Variants in AGT observed in about 807,000 individuals in gnomAD.
AGT encodes the protein angiotensinogen.
Under a neutral mutation model 28.1 loss-of-function variants are expected in AGT, and 26 were observed. That is an observed-to-expected ratio of 0.92 (90% CI 0.68 to 1.28). The LOEUF (loss-of-function observed/expected upper bound fraction) is 1.28. Among genes scored for constraint, AGT ranks in the 50% most tolerant of loss-of-function variants. The probability of loss-of-function intolerance (pLI) is 0.00; values close to 1 mark genes in which losing one functional copy is unlikely to be tolerated. For missense variants in AGT, 596 were observed against 592.3 expected (o/e 1.01, Z -0.06); for synonymous variants, 259 against 259.6 (o/e 1.00, Z 0.02).
intron 1 of AGT, among the ~76,000 whole-genome samples, chr1:230,722,311 T>C (rs1447008989): frequency 6.6e-6 from 1 of 152,198 alleles, no homozygotes; most frequent in Non-Finnish European, 1.5e-5. Flanking sequence ...CAGGCAGAAG[T>C]CTACTGCAGG....
Position 230,710,459 on chromosome 1 carries a change from G to T in AGT, c.365C>A (p.Ala122Asp), listed in dbSNP as rs1663547116. 12 of 1,614,126 alleles carry T rather than the reference G, an allele frequency of 7.4e-6. No individual in the cohort carries two copies. The highest frequency in any genetic ancestry group is 2.2e-5 in the South Asian group (2 of 91,092). The change falls in exon 2 of 5, where the codon GCC becomes GAC. Residue 122 changes from alanine (A) to aspartate (D), a missense_variant. Physicochemically the swap from Ala to Asp is moderately radical, Grantham distance 126. Transcript: ENST00000366667. The stretch of plus-strand genomic sequence containing the variant: ...GACAGCCGTTGGGGAGAGGACGGTG[G>T]CCCCATGGACCACGCCCCATAGCTC... ...HSELWGVVHG[A>D]TVLSPTAVFG...
intron 1 of AGT, among the ~76,000 whole-genome samples, chr1:230,712,668 G>C (rs1366372103): frequency 6.6e-6 from 1 of 152,228 alleles, no homozygotes; most frequent in African/African-American, 2.4e-5. Flanking sequence ...CCCGCTCACT[G>C]TGCTGCTCCT....
At chr1:230,708,649 C>T (rs954039630) in intron 2 of AGT, among the ~76,000 whole-genome samples, 3 of 152,184 alleles carry the variant, frequency 2.0e-5, no homozygotes, top group Non-Finnish European at 4.4e-5. Context: ...CTGTCCCTCA[C>T]GAGGTTAACA....
upstream of AGT, among the ~76,000 whole-genome samples, chr1:230,717,694 G>A (rs898271012): frequency 1.3e-5 from 2 of 152,110 alleles, no homozygotes; most frequent in African/African-American, 4.8e-5. Context: ...ATGGATCCTT[G>A]AAGTTCCAAG....
rs140191497 is a variant in AGT, at chr1:230,734,430, C to T, written c.-31+11085G>A. Reference sequence around the variant, plus strand: ...ATTTTGCTTAATGGGCACAGAATTTCAGTTGGGGAAGATAAAAAGAATTGT... The same window carrying T: ...ATTTTGCTTAATGGGCACAGAATTTTAGTTGGGGAAGATAAAAAGAATTGT... On this transcript the variant is annotated intron_variant, in intron 1 of 4. Transcript: ENST00000681269. Among the ~76,000 whole-genome samples the T allele has an allele frequency of 5.4e-3, 814 of 152,086 alleles. 3 individuals carry two copies. Among genetic ancestry groups the T allele is most frequent in the Middle Eastern group, 0.014 (4 of 294 alleles).
intron 1 of AGT, among the ~76,000 whole-genome samples, chr1:230,736,487 C>G (rs1288054634): frequency 6.6e-6 from 1 of 152,134 alleles, no homozygotes; most frequent in Non-Finnish European, 1.5e-5. Context: ...CCACTGCACT[C>G]CAGCCTGGGT....
intron 1 of AGT, among the ~76,000 whole-genome samples, chr1:230,725,621 T>G (rs538817982): frequency 1.3e-5 from 2 of 152,354 alleles, no homozygotes; most frequent in South Asian, 4.1e-4. Flanking sequence ...ATATAAATAT[T>G]GCTCTTGTGG....
In AGT at chr1:230,704,192, C is replaced by T. The variant is rs1663314489; in HGVS notation, c.1242+1G>A. 2 of 1,614,266 alleles carry T rather than the reference C, an allele frequency of 1.2e-6. No individual in the cohort carries two copies. Among genetic ancestry groups the T allele is most frequent in the African/African-American group, 1.3e-5 (1 of 75,070 alleles). On this transcript the variant is annotated splice_donor_variant, in intron 4 of 4. Coordinates refer to ENST00000366667, the MANE Select transcript of AGT (RefSeq NM_001384479.1). LOFTEE classifies it high-confidence loss of function. ...AGGCACAGACACAGGCTCACACATA[C>T]CTCCCCCACCCTGATGCGGTCATTG...
At chr1:230,715,512 CTAAA>C (rs1558290051), upstream of AGT, among the ~76,000 whole-genome samples, 1 of 152,122 alleles carries the variant, frequency 6.6e-6, no homozygotes, top group Admixed American at 6.5e-5. Context: ...GACTCTGTCT[CTAAA>C]TAAATAGACA....
intron 2 of AGT, among the ~76,000 whole-genome samples, chr1:230,709,348 C>T (rs1188782481): frequency 2.0e-5 from 3 of 151,762 alleles, no homozygotes; most frequent in East Asian, 1.9e-4. Context: ...GTGGGAGGAT[C>T]GCTTGAGGCC....
chr1:230,730,270 T>G (rs1664029620), intron 1 of AGT, among the ~76,000 whole-genome samples: 1 of 151,908 alleles, frequency 6.6e-6, no homozygotes, highest in South Asian at 2.1e-4. Context: ...GATGGGTTTT[T>G]GCCATGTTGG....
At chr1:230,733,073 GGC>G (rs1243987836) in intron 1 of AGT, among the ~76,000 whole-genome samples, 1 of 151,578 alleles carries the variant, frequency 6.6e-6, no homozygotes, top group African/African-American at 2.4e-5. Flanking sequence ...TCTGAGGTCG[GGC>G]GTTCAAGATC....
At position 230,732,808 on chromosome 1, in the gene AGT, T is replaced by C. The variant is rs1361000835; in HGVS notation, c.-31+12707A>G. On this transcript the variant is annotated intron_variant, in intron 1 of 4. Coordinates refer to the AGT transcript ENST00000681269. The stretch of plus-strand genomic sequence containing the variant: ...TAGGAGGAAGAGAAGGAATTGGTCT[T>C]GCTGTCTCAAGGGTGGCAGAGGTGG... 2.0e-5 allele frequency among the ~76,000 whole-genome samples: 3 copies of C among 152,320 alleles called. No individual in the cohort carries two copies. In the East Asian group the frequency reaches 5.8e-4, roughly 29 times the overall value.
chr1:230,740,783 T>C (rs1664234534), intron 1 of AGT, among the ~76,000 whole-genome samples: 1 of 152,164 alleles, frequency 6.6e-6, no homozygotes, highest in African/African-American at 2.4e-5. Flanking sequence ...ACCCCATCTC[T>C]ACTAAAAATA....
At chr1:230,726,743 G>C in intron 1 of AGT, among the ~76,000 whole-genome samples, 1 of 151,902 alleles carries the variant, frequency 6.6e-6, no homozygotes. Flanking sequence ...ATTCAAACTG[G>C]GAGAATCATG....
chr1:230,737,114 G>A (rs1277287184), intron 1 of AGT, among the ~76,000 whole-genome samples: 2 of 151,958 alleles, frequency 1.3e-5, no homozygotes. Context: ...CCTAGTTCTT[G>A]CTCATTTCCA....
At chr1:230,715,907 C>T (rs1190936017), upstream of AGT, among the ~76,000 whole-genome samples, 1 of 152,166 alleles carries the variant, frequency 6.6e-6, no homozygotes, top group East Asian at 1.9e-4. Context: ...TCACTCCATT[C>T]AACAGCAAAG....
chr1:230,744,465 C>T (rs1664305604), intron 1 of AGT, among the ~76,000 whole-genome samples: 2 of 152,124 alleles, frequency 1.3e-5, no homozygotes, highest in Non-Finnish European at 2.9e-5. Context: ...AGACATTGGG[C>T]AGGAAGAATG....
intron 2 of AGT, among the ~76,000 whole-genome samples, chr1:230,706,422 C>T (rs1663389791): frequency 6.6e-6 from 1 of 152,132 alleles, no homozygotes; most frequent in African/African-American, 2.4e-5. Flanking sequence ...TGAGGCAGCC[C>T]TAACCGCCAC....
Sources: gnomAD v4.1 joint callset for allele counts (sites outside exome capture counted in the v4.1 genomes callset) on GRCh38, gnomAD v4.1.1 for gene constraint, MANE v1.5 for transcripts, NCBI Gene and HGNC (gene_info 2026-07-23, HGNC 2026-07-21) for gene names.